The following CRLF1 variants were observed in gnomAD, a reference collection of about 807,000 sequenced individuals.
The protein encoded by CRLF1 is cytokine receptor like factor 1.
CRLF1 carries 36 observed loss-of-function variants against 48.9 expected under a neutral mutation model. The ratio of observed to expected loss-of-function variants is 0.74; its 90% confidence interval spans 0.56 to 0.97. The LOEUF is 0.97. Among genes scored for constraint, CRLF1 ranks in the 50% least tolerant of loss-of-function variants. The pLI is 0.00. For missense variants in CRLF1, 534 were observed against 575.1 expected (o/e 0.93, Z 0.73); for synonymous variants, 256 against 253.4 (o/e 1.01, Z -0.10).
Position 18,596,949 on chromosome 19 carries a change from G to T in CRLF1, c.798C>A (p.Phe266Leu). The T allele has an allele frequency of 6.2e-7, 1 of 1,614,088 alleles. No individual in the cohort carries two copies. Among genetic ancestry groups the T allele is most frequent in the South Asian group, 1.1e-5 (1 of 91,078 alleles). The part of the protein sequence containing the change: ...RWVSPPALKD[F>L]LFQAKYQIRY... ...GGATCTGGTATTTGGCTTGAAAGAG[G>T]AAATCCTTGAGGGCGGGTGGCGACA... Residue 266 changes from phenylalanine (F) to leucine (L), a missense_variant, in exon 5 of 9, where the codon TTC becomes TTA. Phe to Leu is a conservative substitution (Grantham distance 22). Coordinates refer to ENST00000392386, the MANE Select transcript of CRLF1 (RefSeq NM_004750.5).
intron 2 of CRLF1, 43 bp from the exon 3 acceptor site, chr19:18,598,944 A>G (rs1489594500): frequency 6.2e-7 from 1 of 1,609,576 alleles, no homozygotes; most frequent in South Asian, 1.1e-5. Context: ...GAGGGTCTGG[A>G]CTAGCTGAGC....
At position 18,597,431 on chromosome 19, in the gene CRLF1, C is replaced by CTTT. The variant is rs765610119; in HGVS notation, c.698-385_698-383dup. On this transcript the variant is annotated intron_variant, in intron 4 of 8. Coordinates refer to ENST00000392386, the MANE Select transcript of CRLF1 (RefSeq NM_004750.5). ...TCCCCACTCACACCTCCCTTCCACT[C>CTTT]TTTTTTTTTTTTTTTTGAGACGGAG... is the stretch of plus-strand genomic sequence containing the variant. 2.9e-4 allele frequency among the ~76,000 whole-genome samples: 24 copies of CTTT among 81,624 alleles called. 4 individuals are homozygous for CTTT. The highest frequency in any genetic ancestry group is 1.2e-3 in the African/African-American group (18 of 15,292). The allele number at this position is 81,624 out of a possible 152,430, so 53.5% of individuals were successfully genotyped here. A position where few individuals can be genotyped will look rare whatever the true frequency, so the allele number is the denominator to read the frequency against.
At chr19:18,594,195 C>T in intron 7 of CRLF1, 52 bp downstream of exon 7, 1 of 1,598,054 alleles carries the variant, frequency 6.3e-7, no homozygotes, top group South Asian at 1.1e-5. Flanking sequence ...GTTTTCTGGG[C>T]CCCCCCAGCT....
chr19:18,605,138 C>A (rs1434806762), intron 1 of CRLF1, among the ~76,000 whole-genome samples: 1 of 151,380 alleles, frequency 6.6e-6, no homozygotes, highest in African/African-American at 2.4e-5. Context: ...AACACACTTA[C>A]AGTGCCCCCC....
At chr19:18,600,401 C>G (rs1976205739) in intron 1 of CRLF1, among the ~76,000 whole-genome samples, 1 of 150,234 alleles carries the variant, frequency 6.7e-6, no homozygotes, top group Non-Finnish European at 1.5e-5. Context: ...CGCAGTCTTG[C>G]TCTGTCGCCC....
In CRLF1 at chr19:18,598,513, G is replaced by A. The variant is rs1420771120; in HGVS notation, c.616C>T (p.Pro206Ser). ...GTGGCCTCCACCCAGATCTCATAGG[G>A]CGTAAAGAGAGCCAGGTCCTTGGGG... is the stretch of plus-strand genomic sequence containing the variant. ...HIPKDLALFT[P>S]YEIWVEATNR... The change falls in exon 4 of 9, where the codon CCC becomes TCC. Residue 206 changes from proline to serine, a missense_variant. Physicochemically the swap from Pro to Ser is moderately conservative, Grantham distance 74. Coordinates refer to ENST00000392386, the MANE Select transcript of CRLF1 (RefSeq NM_004750.5). 4 of 1,614,034 alleles carry A rather than the reference G, an allele frequency of 2.5e-6. No individual in the cohort carries two copies. The highest frequency in any genetic ancestry group is 3.4e-6 in the Non-Finnish European group (4 of 1,180,018).
chr19:18,603,031 G>A (rs1302250757), intron 1 of CRLF1, among the ~76,000 whole-genome samples: 1 of 152,196 alleles, frequency 6.6e-6, no homozygotes, highest in Non-Finnish European at 1.5e-5. Flanking sequence ...ACTTCTTTGA[G>A]CCTCTGGAAA....
At chr19:18,599,329 C>A (rs1225652585) in intron 2 of CRLF1, among the ~76,000 whole-genome samples, 1 of 152,204 alleles carries the variant, frequency 6.6e-6, no homozygotes, top group African/African-American at 2.4e-5. Flanking sequence ...TGGCCTCGAA[C>A]TCCTGGCTTC....
intron 8 of CRLF1, 33 bp downstream of exon 8, chr19:18,594,032 T>TTGGGCG: frequency 4.9e-5 from 34 of 695,780 alleles, no homozygotes; most frequent in Non-Finnish European, 7.3e-5. Context: ...CTCCCCTTGC[T>TTGGGCG]CCCTCCCGCC....
intron 4 of CRLF1, among the ~76,000 whole-genome samples, 181 bp downstream of exon 4, chr19:18,598,251 A>G (rs1170789622): frequency 2.0e-5 from 3 of 152,074 alleles, no homozygotes; most frequent in Non-Finnish European, 2.9e-5. Context: ...CGGACTGATG[A>G]GCGGATGCTC....
chr19:18,605,196 T>C (rs1322924216), intron 1 of CRLF1, among the ~76,000 whole-genome samples: 3 of 151,428 alleles, frequency 2.0e-5, no homozygotes, highest in African/African-American at 7.3e-5. Context: ...AAACAAAGCT[T>C]GGCGCTCACA....
Position 18,603,557 on chromosome 19 carries a change from G to A in CRLF1, c.115+2985C>T, listed in dbSNP as rs939924569. ...TATGCGTTAAAAGGACTCCCCAGGC[G>A]GCTGGAAGAAGGGACTGCAGGAGGC... is the stretch of plus-strand genomic sequence containing the variant. On this transcript the variant is annotated intron_variant, in intron 1 of 8. Transcript: ENST00000392386. 6.6e-5 allele frequency among the ~76,000 whole-genome samples: 10 copies of A among 152,312 alleles called. No homozygotes were observed. In the South Asian group the frequency reaches 8.3e-4, roughly 13 times the overall value.
At chr19:18,605,001 G>A (rs1976271535) in intron 1 of CRLF1, among the ~76,000 whole-genome samples, 1 of 152,146 alleles carries the variant, frequency 6.6e-6, no homozygotes, top group Non-Finnish European at 1.5e-5. Flanking sequence ...CTCCCGTCCC[G>A]CTGGTACCTG....
At chr19:18,593,975 G>A in intron 8 of CRLF1, 90 bp downstream of exon 8, 1 of 1,514,266 alleles carries the variant, frequency 6.6e-7, no homozygotes, top group Non-Finnish European at 8.9e-7. Context: ...GGCTGGGGTT[G>A]GGAGGCGTGG....
At chr19:18,600,613 G>A (rs1038341442) in intron 1 of CRLF1, among the ~76,000 whole-genome samples, 6 of 152,060 alleles carry the variant, frequency 3.9e-5, no homozygotes, top group Non-Finnish European at 5.9e-5. Flanking sequence ...TGATCCATCC[G>A]TATGGGCCTC....
intron 1 of CRLF1, among the ~76,000 whole-genome samples, chr19:18,604,977 A>ACGGG (rs1976270738): frequency 6.6e-6 from 1 of 152,116 alleles, no homozygotes; most frequent in African/African-American, 2.4e-5. Context: ...CAGGGTCCCC[A>ACGGG]CGGGGGTCCC....
chr19:18,597,130 G>A lies in CRLF1; in HGVS notation c.698-81C>T, dbSNP rs192302108. On this transcript the variant is annotated intron_variant, in intron 4 of 8. Coordinates refer to ENST00000392386, the MANE Select transcript of CRLF1 (RefSeq NM_004750.5). ...CCAGCAGTGTGGCCCAGGGCACTTG[G>A]CCTAGATGGAACCTGCCTCTGTTTT... 128 of 1,477,338 alleles carry A rather than the reference G, an allele frequency of 8.7e-5. No individual in the cohort carries two copies. In the Admixed American group the frequency reaches 2.3e-3, roughly 27 times the overall value. 91.5% of individuals were successfully genotyped at this position (1,477,338 alleles called of 1,614,324 possible). A position where few individuals can be genotyped will look rare whatever the true frequency, so the allele number is the denominator to read the frequency against.
intron 1 of CRLF1, among the ~76,000 whole-genome samples, chr19:18,603,713 C>T (rs1056529200): frequency 4.6e-5 from 7 of 152,278 alleles, no homozygotes; most frequent in African/African-American, 4.8e-5. Flanking sequence ...GGGGTGGACA[C>T]GGTTCTTGGG....
At position 18,606,450 on chromosome 19, in the gene CRLF1, G is replaced by A; in HGVS notation, c.115+92C>T. ...CTTCCTTTGTTCCCCGGCCGTCCAG[G>A]TGGCGCCCGCGCCCCCTCCCCCCGC... On this transcript the variant is annotated intron_variant, in intron 1 of 8. Transcript: ENST00000392386. This position sits in a 1 kb window ranked among gnomAD's most constrained non-coding sequence, Gnocchi z 4.8. The A allele has an allele frequency of 1.0e-6, 1 of 975,774 alleles. No individual in the cohort carries two copies. The highest frequency in any genetic ancestry group is 1.2e-6 in the Non-Finnish European group (1 of 809,276). 60.4% of individuals were successfully genotyped at this position (975,774 alleles called of 1,614,324 possible). A position where few individuals can be genotyped will look rare whatever the true frequency, so the allele number is the denominator to read the frequency against.
Sources: allele counts gnomAD v4.1 joint callset (sites outside exome capture counted in the v4.1 genomes callset), GRCh38; gene constraint gnomAD v4.1.1; non-coding constraint Gnocchi (gnomAD v3.1); transcripts MANE v1.5; gene names NCBI Gene and HGNC (gene_info 2026-07-23, HGNC 2026-07-21).